UBAC2: variants seen among roughly 807,000 people sequenced by gnomAD.
UBAC2 encodes the protein ubiquitin-associated domain-containing protein 2.
A neutral mutation model predicts 44.0 loss-of-function variants in UBAC2; 26 were observed. The observed-to-expected ratio is 0.59, with a 90% CI of 0.43 to 0.82. UBAC2 has a LOEUF of 0.82. Ranked by LOEUF, UBAC2 falls within the 40% of genes least tolerant of loss-of-function variation. UBAC2 has a pLI of 0.00. For synonymous variants in UBAC2, 155 were observed against 154.3 expected (o/e 1.00, Z -0.04); for missense variants, 329 against 419.4 (o/e 0.78, Z 1.88).
At chr13:99,243,500 CT>C (rs963391385) in intron 2 of UBAC2, among the ~76,000 whole-genome samples, 1 of 151,966 alleles carries the variant, frequency 6.6e-6, no homozygotes, top group Non-Finnish European at 1.5e-5. Flanking sequence ...ATTTGTTAGC[CT>C]TTCATTCTAG....
intron 4 of UBAC2, among the ~76,000 whole-genome samples, chr13:99,262,622 G>A (rs1199334740): frequency 6.8e-6 from 1 of 146,540 alleles, no homozygotes; most frequent in Non-Finnish European, 1.5e-5. Flanking sequence ...AGAATCGCTT[G>A]AACCCGGGAG....
At chr13:99,349,911 C>T (rs1006612301) in intron 7 of UBAC2, among the ~76,000 whole-genome samples, 2 of 152,028 alleles carry the variant, frequency 1.3e-5, no homozygotes, top group African/African-American at 4.8e-5. Context: ...CCTGACTCCT[C>T]CAATGAAAGG....
At chr13:99,326,227 G>T (rs1371700874) in intron 6 of UBAC2, among the ~76,000 whole-genome samples, 1 of 152,092 alleles carries the variant, frequency 6.6e-6, no homozygotes, top group African/African-American at 2.4e-5. Flanking sequence ...TTTTATAATA[G>T]CCATCCCAGC....
chr13:99,207,343 G>T (rs555859851), intron 1 of UBAC2, among the ~76,000 whole-genome samples: 3 of 152,340 alleles, frequency 2.0e-5, no homozygotes, highest in African/African-American at 7.2e-5. Context: ...GGTTTAAGTA[G>T]TATTAACTGG....
intron 4 of UBAC2, chr13:99,294,507 T>G (rs750104794): frequency 2.0e-5 from 3 of 152,332 alleles, no homozygotes; most frequent in Non-Finnish European, 2.9e-5. Flanking sequence ...CACTGATAGT[T>G]GACAGGGAGC....
intron 4 of UBAC2, among the ~76,000 whole-genome samples, chr13:99,260,531 C>T (rs2043644614): frequency 6.6e-6 from 1 of 152,190 alleles, no homozygotes; most frequent in African/African-American, 2.4e-5. Flanking sequence ...TCCCCTGCAA[C>T]CCATGAGCCC....
intron 4 of UBAC2, among the ~76,000 whole-genome samples, chr13:99,278,971 C>G (rs1002883270): frequency 1.2e-4 from 19 of 152,172 alleles, no homozygotes; most frequent in Non-Finnish European, 2.4e-4. Context: ...TTGATTATAA[C>G]AAATGTGTGT....
At chr13:99,259,928 GC>G (rs1248601844) in intron 4 of UBAC2, among the ~76,000 whole-genome samples, 6 of 152,304 alleles carry the variant, frequency 3.9e-5, no homozygotes, top group African/African-American at 1.4e-4. Flanking sequence ...CTTAGAGGAG[GC>G]ATCCAGGAGC....
chr13:99,270,024 A>C lies in UBAC2; in HGVS notation c.389+25400A>C, dbSNP rs533421362. Among the ~76,000 whole-genome samples the C allele has an allele frequency of 1.4e-4, 22 of 152,336 alleles. 1 individual carries two copies. In the South Asian group the frequency reaches 4.6e-3, roughly 32 times the overall value. ...TTAGAATTAAAAACTGGTATTGTGT[A>C]TGTGTGTTAATTTTTCCTAAACAAC... On this transcript the variant is annotated intron_variant, in intron 4 of 8. Coordinates refer to ENST00000403766, the MANE Select transcript of UBAC2 (RefSeq NM_001144072.2).
rs2044454432 is a variant in UBAC2 at position 99,314,228 on chromosome 13, A to G, written c.513+8A>G. 6.8e-7 allele frequency: 1 copy of G among 1,472,352 alleles called. No individual in the cohort carries two copies. Among genetic ancestry groups the G allele is most frequent in the Non-Finnish European group, 9.3e-7 (1 of 1,080,098 alleles). 91.2% of individuals were successfully genotyped at this position (1,472,352 alleles called of 1,614,324 possible). On this transcript the variant is annotated splice_region_variant and intron_variant, in intron 5 of 8. Coordinates refer to ENST00000403766, the MANE Select transcript of UBAC2 (RefSeq NM_001144072.2). ...TATATATTGGGACTGCAGGTACAGT[A>G]TGCATTTTTATGTTCACTTTTCTTT...
intron 7 of UBAC2, among the ~76,000 whole-genome samples, chr13:99,342,609 G>A (rs2044908359): frequency 6.6e-6 from 1 of 152,174 alleles, no homozygotes; most frequent in Admixed American, 6.5e-5. Context: ...TCGTGTGCCA[G>A]CGCTGGGTTA....
chr13:99,291,281 A>C (rs993472625), intron 4 of UBAC2, among the ~76,000 whole-genome samples: 5 of 152,320 alleles, frequency 3.3e-5, no homozygotes, highest in African/African-American at 1.2e-4. Flanking sequence ...GCTGTCTTTT[A>C]AGCAACCTGC....
intron 4 of UBAC2, among the ~76,000 whole-genome samples, chr13:99,278,318 A>G (rs145817810): frequency 6.6e-6 from 1 of 152,250 alleles, no homozygotes; most frequent in Admixed American, 6.5e-5. Flanking sequence ...AGTTGGTACC[A>G]GGCAGTGGTA....
At chr13:99,290,718 G>A (rs1175205202) in intron 4 of UBAC2, among the ~76,000 whole-genome samples, 3 of 135,424 alleles carry the variant, frequency 2.2e-5, no homozygotes, top group Non-Finnish European at 3.1e-5. Flanking sequence ...GCGAGACACC[G>A]TTTCACCACC....
intron 4 of UBAC2, 98 bp from the exon 5 acceptor site, chr13:99,313,999 C>A: frequency 8.5e-7 from 1 of 1,179,122 alleles, no homozygotes; most frequent in Non-Finnish European, 1.2e-6. Context: ...TGCTTTCAGA[C>A]TGAAATAAAA....
intron 8 of UBAC2, chr13:99,377,781 T>A (rs1292675722): frequency 6.6e-6 from 1 of 152,236 alleles, no homozygotes; most frequent in Admixed American, 6.5e-5. Flanking sequence ...AGGTCATGTT[T>A]ATTGAGCGCT....
At chr13:99,200,984 C>A in intron 1 of UBAC2, 45 bp downstream of exon 1, 1 of 1,299,128 alleles carries the variant, frequency 7.7e-7, no homozygotes, top group East Asian at 2.9e-5. Context: ...TACACGCCAC[C>A]CTAGGCACCT....
At chr13:99,316,585 A>T (rs996812303) in intron 5 of UBAC2, among the ~76,000 whole-genome samples, 1 of 152,138 alleles carries the variant, frequency 6.6e-6, no homozygotes, top group African/African-American at 2.4e-5. Context: ...AATCAGTATC[A>T]CCCACTGGGT....
chr13:99,235,809 C>CA (rs907636125), intron 1 of UBAC2, among the ~76,000 whole-genome samples: 9 of 150,700 alleles, frequency 6.0e-5, no homozygotes, highest in East Asian at 1.9e-4. Context: ...ACTATTTCTC[C>CA]AAAAAAAAAT....
Sources: allele counts gnomAD v4.1 joint callset (sites outside exome capture counted in the v4.1 genomes callset), GRCh38; gene constraint gnomAD v4.1.1; transcripts MANE v1.5; gene names NCBI Gene and HGNC (gene_info 2026-07-23, HGNC 2026-07-21).